The following MAGI1 variants were observed in gnomAD, a reference collection of about 807,000 sequenced individuals.
The protein encoded by MAGI1 is membrane-associated guanylate kinase, WW and PDZ domain-containing protein 1.
A neutral mutation model predicts 139.9 loss-of-function variants in MAGI1; 58 were observed. The ratio of observed to expected loss-of-function variants is 0.41; its 90% CI spans 0.34 to 0.52. The LOEUF is 0.52. MAGI1 is among the 20% of genes least tolerant of loss of function. The pLI is 0.12. For synonymous variants in MAGI1, 812 were observed against 737.9 expected, an observed-to-expected ratio of 1.10 and a Z score of -1.63; for missense variants, 1,874 against 1,901.6, an observed-to-expected ratio of 0.99 and a Z score of 0.27.
intron 1 of MAGI1, among the ~76,000 whole-genome samples, chr3:66,007,867 T>C (rs1228010775): frequency 2.0e-5 from 3 of 151,674 alleles, no homozygotes; most frequent in Admixed American, 2.0e-4. Flanking sequence ...ACACTAGTCC[T>C]CTGGAGCTTA....
At chr3:65,362,934 C>T (rs1031063971) in intron 21 of MAGI1, among the ~76,000 whole-genome samples, 1 of 152,200 alleles carries the variant, frequency 6.6e-6, no homozygotes. Context: ...ATCTGTAGCT[C>T]TTACTACAGA....
intron 3 of MAGI1, among the ~76,000 whole-genome samples, chr3:65,487,769 G>A (rs932766165): frequency 4.6e-5 from 7 of 152,148 alleles, no homozygotes; most frequent in African/African-American, 1.4e-4. Flanking sequence ...TCAACACGAT[G>A]ATTCTTTTTT....
intron 5 of MAGI1, among the ~76,000 whole-genome samples, chr3:65,454,531 T>C (rs1462768330): frequency 8.5e-5 from 6 of 70,290 alleles, no homozygotes; most frequent in Admixed American, 1.7e-4. Context: ...GAAAGTATAA[T>C]AATAATAATA....
intron 1 of MAGI1, among the ~76,000 whole-genome samples, chr3:65,629,089 A>G (rs2084140312): frequency 6.6e-6 from 1 of 152,246 alleles, no homozygotes; most frequent in Middle Eastern, 3.4e-3. Flanking sequence ...TCTGTTACAT[A>G]CCAACTCTTA....
At chr3:66,014,970 TCATCGCTA>T (rs1303856797) in intron 1 of MAGI1, among the ~76,000 whole-genome samples, 4 of 151,986 alleles carry the variant, frequency 2.6e-5, no homozygotes, top group Non-Finnish European at 4.4e-5. Context: ...TGACAACAAA[TCATCGCTA>T]CATGATCTTT....
intron 1 of MAGI1, among the ~76,000 whole-genome samples, chr3:65,810,196 A>G (rs1052013344): frequency 2.6e-5 from 4 of 152,240 alleles, no homozygotes; most frequent in Non-Finnish European, 5.9e-5. Flanking sequence ...AATGCATGCT[A>G]ATGGTGGAAT....
intron 15 of MAGI1, 104 bp from the exon 16 acceptor site, chr3:65,382,173 G>A (rs897776807): frequency 1.3e-5 from 13 of 964,608 alleles, no homozygotes; most frequent in South Asian, 8.2e-5. Flanking sequence ...CATGTCTGCA[G>A]GCATGCCGCA....
intron 2 of MAGI1, among the ~76,000 whole-genome samples, chr3:65,517,197 G>C (rs1670414825): frequency 6.6e-6 from 1 of 152,100 alleles, no homozygotes; most frequent in African/African-American, 2.4e-5. Context: ...CAGGGCCTTT[G>C]CACTTGCTAT....
At chr3:65,875,909 T>C (rs765832903) in intron 1 of MAGI1, among the ~76,000 whole-genome samples, 2 of 151,736 alleles carry the variant, frequency 1.3e-5, no homozygotes, top group Non-Finnish European at 2.9e-5. Flanking sequence ...GGGATGAGAG[T>C]TGTGGAATCA....
chr3:65,387,459 A>C, intron 14 of MAGI1, among the ~76,000 whole-genome samples: 1 of 151,706 alleles, frequency 6.6e-6, no homozygotes, highest in East Asian at 1.9e-4. Context: ...AGTTTCCTAT[A>C]ACTCCTATTA....
At chr3:65,946,337 C>T (rs559579936) in intron 1 of MAGI1, among the ~76,000 whole-genome samples, 1 of 152,322 alleles carries the variant, frequency 6.6e-6, no homozygotes, top group East Asian at 1.9e-4. Flanking sequence ...TTGACGCTGA[C>T]CTCCCAACTT....
At chr3:65,686,432 C>T (rs998157076) in intron 1 of MAGI1, among the ~76,000 whole-genome samples, 1 of 152,164 alleles carries the variant, frequency 6.6e-6, no homozygotes, top group African/African-American at 2.4e-5. Flanking sequence ...GCTGAGACTG[C>T]AGGCGCACAC....
At chr3:65,961,956 T>C (rs1299143889) in intron 1 of MAGI1, among the ~76,000 whole-genome samples, 1 of 152,140 alleles carries the variant, frequency 6.6e-6, no homozygotes, top group African/African-American at 2.4e-5. Flanking sequence ...ATCAGCTAAG[T>C]GCTTTGGAAA....
chr3:65,648,779 G>T (rs922891656), intron 1 of MAGI1, among the ~76,000 whole-genome samples: 1 of 152,114 alleles, frequency 6.6e-6, no homozygotes, highest in Non-Finnish European at 1.5e-5. Context: ...GAAGAATAAA[G>T]ATCAGCTTAC....
At position 65,505,157 on chromosome 3, in the gene MAGI1, G is replaced by A. The variant is rs11916747; in HGVS notation, c.431-11526C>T. Among the ~76,000 whole-genome samples the A allele has an allele frequency of 4.6e-3, 699 of 152,156 alleles. 5 individuals are homozygous for A. The highest frequency in any genetic ancestry group is 0.015 in the African/African-American group (621 of 41,500). ...CAGATAGACTCTCTCCATTATGGCAGGTAATAATACTTTCACTTTCTCTGA... is the reference window on the plus strand; with the variant it reads ...CAGATAGACTCTCTCCATTATGGCAAGTAATAATACTTTCACTTTCTCTGA... On this transcript the variant is annotated intron_variant, in intron 2 of 22. Coordinates refer to ENST00000402939, the MANE Select transcript of MAGI1 (RefSeq NM_001033057.2).
chr3:65,356,988 C>T lies in MAGI1; in HGVS notation c.3779G>A (p.Arg1260Gln). The change falls in exon 23 of 23, where the codon CGG (arginine) becomes CAG (glutamine). Residue 1260 changes from arginine to glutamine, a missense_variant. Arg to Gln is a conservative substitution (Grantham distance 43). This residue lies in a region of MAGI1 where 653 missense variants were observed against 644.5 expected (regional missense o/e 1.01). Transcript: ENST00000402939. Reference protein sequence around the residue: ...LHKSSPHGEKRAHARDPKGSR... With the variant: ...LHKSSPHGEKQAHARDPKGSR... Reference sequence around the variant, plus strand: ...GCCTTTCGGATCCCTTGCGTGTGCCCGCTTTTCCCCATGTGGTGATGATTT... The same window carrying T: ...GCCTTTCGGATCCCTTGCGTGTGCCTGCTTTTCCCCATGTGGTGATGATTT... 2 of 1,614,168 alleles carry T rather than the reference C, an allele frequency of 1.2e-6. No homozygotes were observed. The highest frequency in any genetic ancestry group is 1.6e-4 in the Middle Eastern group (1 of 6,062).
intron 1 of MAGI1, among the ~76,000 whole-genome samples, chr3:65,784,085 T>G (rs1484070711): frequency 6.6e-6 from 1 of 151,804 alleles, no homozygotes; most frequent in Non-Finnish European, 1.5e-5. Flanking sequence ...ATTGTGCCAT[T>G]GCACTCCAGC....
chr3:66,014,240 C>T (rs371109798), intron 1 of MAGI1, among the ~76,000 whole-genome samples: 6 of 152,246 alleles, frequency 3.9e-5, no homozygotes, highest in East Asian at 3.9e-4. Flanking sequence ...CCAAACAAAC[C>T]GAGACATATG....
chr3:65,756,278 A>AT (rs544840938), intron 1 of MAGI1, among the ~76,000 whole-genome samples: 259 of 152,302 alleles, frequency 1.7e-3, no homozygotes, highest in African/African-American at 5.9e-3. Flanking sequence ...AATTGTGTGC[A>AT]TTTTTACACA....
Sources: gnomAD v4.1 joint callset for allele counts (sites outside exome capture counted in the v4.1 genomes callset) on GRCh38, gnomAD v4.1.1 for gene constraint, gnomAD v4.1.1 regional missense constraint, MANE v1.5 for transcripts, NCBI Gene and HGNC (gene_info 2026-07-23, HGNC 2026-07-21) for gene names.